Variants in ARHGAP26 observed in about 807,000 individuals in gnomAD.
The protein encoded by ARHGAP26 is rho GTPase-activating protein 26.
A neutral mutation model predicts 104.8 loss-of-function variants in ARHGAP26; 38 were observed. That is an observed-to-expected ratio of 0.36 (90% CI 0.28 to 0.48). ARHGAP26 has a LOEUF of 0.48. ARHGAP26 is among the 20% of genes least tolerant of loss of function. The pLI is 0.99. For missense variants in ARHGAP26, 704 were observed against 947.9 expected, an observed-to-expected ratio of 0.74 and a Z score of 3.38; for synonymous variants, 341 against 340.0, an observed-to-expected ratio of 1.00 and a Z score of -0.03.
At chr5:142,872,658 T>C (rs950656064) in intron 1 of ARHGAP26, among the ~76,000 whole-genome samples, 2 of 152,260 alleles carry the variant, frequency 1.3e-5, no homozygotes. Flanking sequence ...TTTTTAATGA[T>C]AAGGGCTCTT....
At chr5:143,105,182 C>T (rs1017211593) in intron 17 of ARHGAP26, among the ~76,000 whole-genome samples, 129 of 152,178 alleles carry the variant, frequency 8.5e-4, no homozygotes, top group African/African-American at 3.0e-3. Context: ...TTGAGACCAG[C>T]TTGACCAACA....
At chr5:143,072,205 A>G (rs1315839959) in intron 17 of ARHGAP26, among the ~76,000 whole-genome samples, 1 of 152,200 alleles carries the variant, frequency 6.6e-6, no homozygotes, top group Non-Finnish European at 1.5e-5. Context: ...AATTAAAACC[A>G]CAGTGAGGTA....
intron 7 of ARHGAP26, among the ~76,000 whole-genome samples, chr5:142,902,339 A>G (rs1760477497): frequency 6.6e-6 from 1 of 152,192 alleles, no homozygotes; most frequent in African/African-American, 2.4e-5. Context: ...TTGGCGGTGG[A>G]AATCCCAGCC....
chr5:143,020,727 C>A (rs566504321), intron 12 of ARHGAP26, among the ~76,000 whole-genome samples: 10 of 150,568 alleles, frequency 6.6e-5, no homozygotes, highest in African/African-American at 2.2e-4. Context: ...CAAGCTCCCC[C>A]TCCCGGGTTC....
At chr5:142,862,639 C>T (rs1287790978) in intron 1 of ARHGAP26, among the ~76,000 whole-genome samples, 1 of 152,140 alleles carries the variant, frequency 6.6e-6, no homozygotes, top group African/African-American at 2.4e-5. Context: ...TGTCTGGGTG[C>T]GTGGGCCCTG....
chr5:143,081,010 T>C (rs1789729944), intron 17 of ARHGAP26, among the ~76,000 whole-genome samples: 1 of 152,118 alleles, frequency 6.6e-6, no homozygotes, highest in Non-Finnish European at 1.5e-5. Context: ...GTGATATGTG[T>C]AGGGAAGGGG....
intron 4 of ARHGAP26, among the ~76,000 whole-genome samples, chr5:142,880,055 A>C (rs1035313593): frequency 6.6e-6 from 1 of 152,264 alleles, no homozygotes; most frequent in African/African-American, 2.4e-5. Flanking sequence ...TGCAGGTCAA[A>C]AAATGACATC....
At chr5:142,833,841 C>T (rs375405775) in intron 1 of ARHGAP26, among the ~76,000 whole-genome samples, 5 of 152,154 alleles carry the variant, frequency 3.3e-5, no homozygotes, top group African/African-American at 1.2e-4. Flanking sequence ...TAATTTACCT[C>T]GTCTTTCTGA....
Position 142,873,441 on chromosome 5 carries a change from G to A in ARHGAP26, c.196G>A (p.Glu66Lys). ...GCGGAAGTTTGCAGATTCCTTAAATGAATTTAAATTTCAGTGCATAGGAGA... is the reference window on the plus strand; with the variant it reads ...GCGGAAGTTTGCAGATTCCTTAAATAAATTTAAATTTCAGTGCATAGGAGA... ...AKRKFADSLN[E>K]FKFQCIGDAE... The change falls in exon 2 of 23, where the codon GAA becomes AAA. Residue 66 changes from glutamate to lysine, a missense_variant. Transcript: ENST00000645722. 2 of 1,601,550 alleles carry A rather than the reference G, an allele frequency of 1.2e-6. No individual in the cohort carries two copies. Among genetic ancestry groups the A allele is most frequent in the Non-Finnish European group, 1.7e-6 (2 of 1,176,742 alleles).
chr5:142,774,561 G>C lies in ARHGAP26; in HGVS notation c.154+3646G>C, dbSNP rs147310143. Among the ~76,000 whole-genome samples the C allele has an allele frequency of 2.4e-3, 370 of 152,114 alleles. 8 individuals carry two copies. The South Asian group carries it at 0.039, about 16-fold the overall frequency. ...TTAGCATAGTACAGTTGTTATAGTT[G>C]ATGAACCAATATCAATATAACATTA... On this transcript the variant is annotated intron_variant, in intron 1 of 22. Transcript: ENST00000645722.
In ARHGAP26 at chr5:142,906,922, A is replaced by G. The variant is rs75588609; in HGVS notation, c.833-782A>G. On this transcript the variant is annotated intron_variant, in intron 8 of 22. Transcript: ENST00000645722. ...TGCTGTGTGATCTCCATAAGCACCTAAAACTAGTATTGGTTGAAGTCCTTT... is the reference window on the plus strand; with the variant it reads ...TGCTGTGTGATCTCCATAAGCACCTGAAACTAGTATTGGTTGAAGTCCTTT... Among the ~76,000 whole-genome samples the G allele has an allele frequency of 5.1e-3, 777 of 152,292 alleles. 6 individuals carry two copies. Among genetic ancestry groups the G allele is most frequent in the African/African-American group, 0.018 (731 of 41,568 alleles).
intron 11 of ARHGAP26, among the ~76,000 whole-genome samples, chr5:142,986,722 T>C (rs770869843): frequency 1.4e-4 from 22 of 152,248 alleles, no homozygotes; most frequent in Non-Finnish European, 2.8e-4. Context: ...TTTCTATATA[T>C]GGCTAGCCAG....
intron 1 of ARHGAP26, among the ~76,000 whole-genome samples, chr5:142,852,103 T>C (rs1357983858): frequency 1.3e-5 from 2 of 152,242 alleles, no homozygotes; most frequent in African/African-American, 4.8e-5. Context: ...GGATAGGTTT[T>C]CTGTGAAGAG....
chr5:142,853,183 T>A (rs1019468039), intron 1 of ARHGAP26, among the ~76,000 whole-genome samples: 2 of 152,164 alleles, frequency 1.3e-5, no homozygotes, highest in African/African-American at 2.4e-5. Flanking sequence ...TTTTATTTTT[T>A]AATTTTATTA....
At chr5:143,120,212 A>G (rs935926355) in intron 17 of ARHGAP26, among the ~76,000 whole-genome samples, 3 of 152,224 alleles carry the variant, frequency 2.0e-5, no homozygotes, top group African/African-American at 7.2e-5. Flanking sequence ...TTTTATAGCT[A>G]GGTCCTGGTG....
chr5:143,059,293 A>G (rs1049903382), intron 17 of ARHGAP26, among the ~76,000 whole-genome samples: 1 of 152,208 alleles, frequency 6.6e-6, no homozygotes, highest in African/African-American at 2.4e-5. Flanking sequence ...AAGGGTTAGG[A>G]ACCATCTGAA....
At chr5:143,215,147 G>A (rs1810144905) in intron 22 of ARHGAP26, among the ~76,000 whole-genome samples, 1 of 152,236 alleles carries the variant, frequency 6.6e-6, no homozygotes, top group African/African-American at 2.4e-5. Flanking sequence ...AAACCAGAAT[G>A]GGCTGCGTTG....
chr5:142,866,149 T>G (rs1439259524), intron 1 of ARHGAP26, among the ~76,000 whole-genome samples: 1 of 152,174 alleles, frequency 6.6e-6, no homozygotes, highest in Non-Finnish European at 1.5e-5. Context: ...TCTACCTTAA[T>G]TTTGTAGTTT....
At chr5:142,865,248 A>C (rs1754055817) in intron 1 of ARHGAP26, among the ~76,000 whole-genome samples, 1 of 152,140 alleles carries the variant, frequency 6.6e-6, no homozygotes, top group Non-Finnish European at 1.5e-5. Context: ...GCGGTCATTG[A>C]TCCAGTAAAT....
Sources: gnomAD v4.1 joint callset for allele counts (sites outside exome capture counted in the v4.1 genomes callset) on GRCh38, gnomAD v4.1.1 for gene constraint, MANE v1.5 for transcripts, NCBI Gene and HGNC (gene_info 2026-07-23, HGNC 2026-07-21) for gene names.